Variants in SIPA1L1 observed in about 807,000 individuals in gnomAD.
SIPA1L1 encodes the protein signal-induced proliferation-associated 1-like protein 1.
SIPA1L1 carries 26 observed loss-of-function variants against 162.7 expected under a neutral mutation model. The observed-to-expected ratio is 0.16, with a 90% CI of 0.12 to 0.22. SIPA1L1 has a LOEUF of 0.22. Ranked by LOEUF, SIPA1L1 falls within the 10% of genes least tolerant of loss-of-function variation. The pLI, the probability that SIPA1L1 is intolerant of heterozygous loss-of-function variation, is 1.00. For synonymous variants in SIPA1L1, 829 were observed against 837.4 expected (o/e 0.99, Z 0.17); for missense variants, 1,874 against 2,241.0 (o/e 0.84, Z 3.31).
chr14:71,625,590 T>C (rs2039895985), intron 7 of SIPA1L1, among the ~76,000 whole-genome samples: 1 of 152,264 alleles, frequency 6.6e-6, no homozygotes, highest in Non-Finnish European at 1.5e-5. Context: ...TGTGAAAATT[T>C]GTTGCCCTTT....
intron 7 of SIPA1L1, among the ~76,000 whole-genome samples, chr14:71,642,109 CAACTT>C (rs2041773494): frequency 6.6e-6 from 1 of 152,198 alleles, no homozygotes; most frequent in African/African-American, 2.4e-5. Context: ...CCACCTGAAA[CAACTT>C]AAAAACTAGA....
intron 2 of SIPA1L1, among the ~76,000 whole-genome samples, chr14:71,504,141 C>T (rs968852455): frequency 6.6e-6 from 1 of 151,888 alleles, no homozygotes; most frequent in Non-Finnish European, 1.5e-5. Flanking sequence ...ATATTCTTGT[C>T]TCTGATCTTG....
At chr14:71,498,868 T>TC (rs1159357679) in intron 2 of SIPA1L1, among the ~76,000 whole-genome samples, 1 of 152,234 alleles carries the variant, frequency 6.6e-6, no homozygotes, top group African/African-American at 2.4e-5. Flanking sequence ...TTTGTGCTGT[T>TC]TAACCATAGG....
Position 71,618,753 on chromosome 14 carries a change from T to G in SIPA1L1, c.1499-4T>G, listed in dbSNP as rs2039100394. Reference sequence around the variant, plus strand: ...TAACTTTGTTTTGTCTTATTTTACCTAAGAACACTGGAACTATTTTGGGGC... The same window carrying G: ...TAACTTTGTTTTGTCTTATTTTACCGAAGAACACTGGAACTATTTTGGGGC... On this transcript the variant is annotated splice_region_variant and splice_polypyrimidine_tract_variant and intron_variant, in intron 5 of 23. Coordinates refer to ENST00000381232, the MANE Select transcript of SIPA1L1 (RefSeq NM_001386936.1). The G allele has an allele frequency of 6.2e-7, 1 of 1,612,414 alleles. No homozygotes were observed. Among genetic ancestry groups the G allele is most frequent in the African/African-American group, 1.3e-5 (1 of 74,834 alleles).
At chr14:71,346,891 C>T (rs577429866) in intron 2 of SIPA1L1, among the ~76,000 whole-genome samples, 15 of 152,254 alleles carry the variant, frequency 9.9e-5, no homozygotes, top group African/African-American at 3.4e-4. Flanking sequence ...CAACCACTAA[C>T]CTACTTTCGG....
intron 4 of SIPA1L1, among the ~76,000 whole-genome samples, chr14:71,583,518 T>G (rs2147380798): frequency 6.6e-6 from 1 of 152,214 alleles, no homozygotes; most frequent in East Asian, 1.9e-4. Context: ...GCACTGTAAT[T>G]CTTTCACAAC....
At chr14:71,713,272 T>C (rs1158695111) in intron 17 of SIPA1L1, among the ~76,000 whole-genome samples, 1 of 152,248 alleles carries the variant, frequency 6.6e-6, no homozygotes, top group Non-Finnish European at 1.5e-5. Flanking sequence ...CCTCAACTCC[T>C]GGCTCTTAGA....
rs755443656 is a variant in SIPA1L1 at position 71,671,710 on chromosome 14, C to T, written c.2829+18C>T. 1.3e-6 allele frequency: 2 copies of T among 1,540,588 alleles called. No individual in the cohort carries two copies. Among genetic ancestry groups the T allele is most frequent in the African/African-American group, 1.4e-5 (1 of 72,398 alleles). On this transcript the variant is annotated intron_variant, in intron 11 of 23. Transcript: ENST00000381232. ...GGTTGCAGGTGAGTCTCTCCTTCCT[C>T]TTCCTTACATGCAGTTTCTCTTTCA...
At chr14:71,358,335 T>C (rs2037469369) in intron 2 of SIPA1L1, among the ~76,000 whole-genome samples, 1 of 152,188 alleles carries the variant, frequency 6.6e-6, no homozygotes, top group African/African-American at 2.4e-5. Flanking sequence ...GCTGCAAAAA[T>C]GGAGGGGATT....
intron 4 of SIPA1L1, among the ~76,000 whole-genome samples, chr14:71,556,562 A>T (rs942301460): frequency 6.6e-6 from 1 of 152,244 alleles, no homozygotes; most frequent in Admixed American, 6.5e-5. Flanking sequence ...TTGCTGGAGC[A>T]GCTTACAGAA....
At chr14:71,336,995 C>G (rs2035163744) in intron 2 of SIPA1L1, among the ~76,000 whole-genome samples, 2 of 152,074 alleles carry the variant, frequency 1.3e-5, no homozygotes, top group Non-Finnish European at 2.9e-5. Flanking sequence ...CCTTTCTGAC[C>G]CGTTTGACTC....
intron 2 of SIPA1L1, chr14:71,414,061 T>C (rs1411599496): frequency 6.6e-6 from 1 of 152,102 alleles, no homozygotes; most frequent in Non-Finnish European, 1.5e-5. Context: ...GGAGGAAATG[T>C]CACTCAAACT....
chr14:71,724,877 C>A (rs2084083327), intron 19 of SIPA1L1, 42 bp downstream of exon 19: 4 of 1,564,298 alleles, frequency 2.6e-6, no homozygotes, highest in South Asian at 2.3e-5. Flanking sequence ...TAGAAACAAG[C>A]CAGACATGAT....
At chr14:71,538,831 A>G (rs939127599) in intron 4 of SIPA1L1, among the ~76,000 whole-genome samples, 1 of 152,230 alleles carries the variant, frequency 6.6e-6, no homozygotes, top group African/African-American at 2.4e-5. Context: ...AAGAAAGGAA[A>G]AAGGAGAGAA....
At chr14:71,712,477 T>C (rs1286456262) in intron 17 of SIPA1L1, among the ~76,000 whole-genome samples, 2 of 152,326 alleles carry the variant, frequency 1.3e-5, no homozygotes, top group East Asian at 3.9e-4. Flanking sequence ...TTATTTTATT[T>C]TATTTTTTGG....
rs1026263693 is a variant in SIPA1L1, at chr14:71,726,226, G to A, written c.4614+1391G>A. 1.2e-4 allele frequency among the ~76,000 whole-genome samples: 19 copies of A among 152,262 alleles called. 1 individual carries two copies. Among genetic ancestry groups the A allele is most frequent in the East Asian group, 9.7e-4 (5 of 5,180 alleles). ...GCCATTCTTGATTTCTGTAATTTCC[G>A]TCTCATAAGCCAGCACTTAACAGTT... is the stretch of plus-strand genomic sequence containing the variant. On this transcript the variant is annotated intron_variant, in intron 19 of 23. Transcript: ENST00000381232.
At chr14:71,389,328 G>T (rs1240813804) in intron 2 of SIPA1L1, among the ~76,000 whole-genome samples, 1 of 152,146 alleles carries the variant, frequency 6.6e-6, no homozygotes, top group African/African-American at 2.4e-5. Flanking sequence ...TGGCTCAGTG[G>T]GTAATAGATT....
intron 7 of SIPA1L1, among the ~76,000 whole-genome samples, chr14:71,637,716 T>C (rs2041303188): frequency 6.6e-6 from 1 of 151,008 alleles, no homozygotes; most frequent in African/African-American, 2.4e-5. Context: ...AGAGTGAGAC[T>C]CTTAAAAAAA....
chr14:71,660,119 C>T (rs1464796136), intron 9 of SIPA1L1, among the ~76,000 whole-genome samples: 2 of 151,882 alleles, frequency 1.3e-5, no homozygotes, highest in Non-Finnish European at 2.9e-5. Flanking sequence ...AATAATATTA[C>T]AGAAAATGAC....
Sources: gnomAD v4.1 joint callset for allele counts (sites outside exome capture counted in the v4.1 genomes callset) on GRCh38, gnomAD v4.1.1 for gene constraint, MANE v1.5 for transcripts, NCBI Gene and HGNC (gene_info 2026-07-23, HGNC 2026-07-21) for gene names.